The following NBPF6 variants were observed in gnomAD, a reference collection of about 807,000 sequenced individuals.
NBPF6 encodes the protein NBPF member 6.
In NBPF6, 2 loss-of-function variants were observed where a neutral mutation model predicts 20.8. The observed-to-expected ratio is 0.10, with a 90% confidence interval of 0.04 to 0.30. The LOEUF (loss-of-function observed/expected upper bound fraction) is 0.30. Ranked by LOEUF, NBPF6 falls within the 10% of genes least tolerant of loss-of-function variation. The probability of loss-of-function intolerance (pLI) is 1.00; values close to 1 mark genes in which losing one functional copy is unlikely to be tolerated. For synonymous variants in NBPF6, 24 were observed against 100.0 expected, an observed-to-expected ratio of 0.24 and a Z score of 4.53; for missense variants, 85 against 260.3, an observed-to-expected ratio of 0.33 and a Z score of 4.63.
chr1:108,448,318 A>G (rs1652690699), upstream of NBPF6, among the ~76,000 whole-genome samples: 1 of 147,618 alleles, frequency 6.8e-6, no homozygotes, highest in Non-Finnish European at 1.5e-5. Context: ...ATAAAAAGGC[A>G]AAAGTCTTAA....
At chr1:108,467,806 C>T (rs1467624570) in intron 14 of NBPF6, 141 bp downstream of exon 14, 5 of 1,016,284 alleles carry the variant, frequency 4.9e-6, no homozygotes, top group Non-Finnish European at 5.8e-6. Flanking sequence ...AGCTCTGTGT[C>T]CCATGGGCTC....
At chr1:108,459,334 TA>T (rs1255874208) in intron 9 of NBPF6, among the ~76,000 whole-genome samples, 6 of 117,182 alleles carry the variant, frequency 5.1e-5, no homozygotes, top group Non-Finnish European at 1.1e-4. Context: ...TGTGAACAAC[TA>T]ATCAGTCACA....
upstream of NBPF6, among the ~76,000 whole-genome samples, chr1:108,448,054 T>C (rs2101038041): frequency 6.9e-6 from 1 of 145,542 alleles, no homozygotes; most frequent in East Asian, 2.0e-4. Flanking sequence ...AAATATATAT[T>C]GTATCTATAC....
rs2995754 is a variant in NBPF6, at chr1:108,471,009, T to C, written c.*371T>C. ...CAATGCCATGTTCTTGCTGAAAACG[T>C]TTAGCCTGAGTTTCATAGGAGGTAA... On this transcript the variant is annotated 3_prime_UTR_variant, in exon 15 of 15. Coordinates refer to ENST00000495380, the MANE Select transcript of NBPF6 (RefSeq NM_001143988.2). The C allele has an allele frequency of 7.0e-4, 126 of 180,038 alleles. 1 individual carries two copies. In the East Asian group the frequency reaches 7.9e-3, roughly 11 times the overall value. The allele number at this position is 180,038 out of a possible 1,614,324, so 11.2% of individuals were successfully genotyped here.
chr1:108,447,432 TAAAC>T (rs1302256196), upstream of NBPF6, among the ~76,000 whole-genome samples: 2 of 145,378 alleles, frequency 1.4e-5, no homozygotes, highest in African/African-American at 2.5e-5. Flanking sequence ...CAGACATGGG[TAAAC>T]AAGGAACTCT....
At chr1:108,459,372 T>C (rs1169343264) in intron 9 of NBPF6, among the ~76,000 whole-genome samples, 1 of 140,886 alleles carries the variant, frequency 7.1e-6, no homozygotes, top group African/African-American at 2.6e-5. Context: ...AAGTATACTC[T>C]TCTTATGGTG....
At chr1:108,448,348 A>G (rs1190225759), upstream of NBPF6, among the ~76,000 whole-genome samples, 1 of 148,776 alleles carries the variant, frequency 6.7e-6, no homozygotes, top group Non-Finnish European at 1.5e-5. Flanking sequence ...TTGGTACTCA[A>G]TAGAATAGTG....
upstream of NBPF6, among the ~76,000 whole-genome samples, chr1:108,446,565 GC>G: frequency 3.3e-5 from 1 of 30,522 alleles, no homozygotes; most frequent in Admixed American, 4.4e-4. Flanking sequence ...ATAGTAAGTG[GC>G]CAGAACATAA....
At chr1:108,470,343 T>C (rs1422197827) in intron 14 of NBPF6, among the ~76,000 whole-genome samples, 5 of 135,596 alleles carry the variant, frequency 3.7e-5, no homozygotes, top group Admixed American at 7.4e-5. Context: ...GGGGATGATG[T>C]TGCCCACTGC....
At chr1:108,447,862 C>T (rs1242794324), upstream of NBPF6, among the ~76,000 whole-genome samples, 6 of 146,736 alleles carry the variant, frequency 4.1e-5, 1 homozygote, top group African/African-American at 7.7e-5. Flanking sequence ...GTTTGTGCTT[C>T]GACTTCAGAA....
At chr1:108,470,561 T>C in intron 14 of NBPF6, 36 bp from the exon 15 acceptor site, 5 of 1,528,664 alleles carry the variant, frequency 3.3e-6, no homozygotes, top group Non-Finnish European at 4.4e-6. Flanking sequence ...CTGACAAAAA[T>C]GCTCATTTGA....
Position 108,453,004 on chromosome 1 carries a change from GTGTGTATA to G in NBPF6, c.279-175_279-168del, listed in dbSNP as rs1558074021. On this transcript the variant is annotated intron_variant, in intron 3 of 14. Transcript: ENST00000495380. ...TTTGTGTGTGTGTGTGTGTGTGTGT[GTGTGTATA>G]TATATATATATTCTTCTTTCTCTTG... Among the ~76,000 whole-genome samples the G allele has an allele frequency of 4.8e-5, 3 of 62,730 alleles. 1 individual carries two copies. Among genetic ancestry groups the G allele is most frequent in the Non-Finnish European group, 7.6e-5 (2 of 26,292 alleles). The allele number at this position is 62,730 out of a possible 152,430, so 41.2% of individuals were successfully genotyped here.
In NBPF6 at chr1:108,471,911, A is replaced by C. The variant is rs991963548; in HGVS notation, c.*1273A>C. On this transcript the variant is annotated 3_prime_UTR_variant, in exon 15 of 15. Coordinates refer to ENST00000495380, the MANE Select transcript of NBPF6 (RefSeq NM_001143988.2). ...TAAAAACATTCTTATTTACCTGTTT[A>C]TATTCTAAAGTATTCCATATTTTAG... 1.3e-4 allele frequency among the ~76,000 whole-genome samples: 20 copies of C among 152,146 alleles called. No homozygotes were observed. The highest frequency in any genetic ancestry group is 1.3e-4 in the Admixed American group (2 of 15,266).
chr1:108,446,380 T>TA (rs1461793117), upstream of NBPF6, among the ~76,000 whole-genome samples: 8 of 19,474 alleles, frequency 4.1e-4, 1 homozygote, highest in South Asian at 6.2e-3. Flanking sequence ...ACAAAAAATT[T>TA]AAAAAAAAAA....
chr1:108,447,994 T>C (rs1652669867), upstream of NBPF6, among the ~76,000 whole-genome samples: 1 of 146,546 alleles, frequency 6.8e-6, no homozygotes, highest in Admixed American at 6.7e-5. Context: ...CCTAAACCAG[T>C]GCTTAGATTA....
upstream of NBPF6, among the ~76,000 whole-genome samples, chr1:108,449,340 C>A (rs1269957177): frequency 5.7e-4 from 8 of 14,042 alleles, 1 homozygote; most frequent in African/African-American, 7.9e-4. Flanking sequence ...GGATCACCAA[C>A]CACCCGTGAC....
At chr1:108,470,496 T>G in intron 14 of NBPF6, 101 bp from the exon 15 acceptor site, 2 of 1,013,346 alleles carry the variant, frequency 2.0e-6, no homozygotes, top group Non-Finnish European at 2.9e-6. Flanking sequence ...CAGCAGGAGA[T>G]CCCAGTGAGA....
chr1:108,438,438 T>TA, the NBPF6 span, among the ~76,000 whole-genome samples: 1 of 100,124 alleles, frequency 1.0e-5, no homozygotes, highest in African/African-American at 3.2e-5. Flanking sequence ...TACTAAAAAT[T>TA]AAAAAAAGAA....
intron 3 of NBPF6, among the ~76,000 whole-genome samples, chr1:108,452,980 T>TTGTG (rs759252996): frequency 0.056 from 2,671 of 47,302 alleles, 648 homozygotes; most frequent in Middle Eastern, 0.1. Flanking sequence ...GTATGTTTGT[T>TTGTG]TGTGTGTGTG....
Sources: allele counts gnomAD v4.1 joint callset (sites outside exome capture counted in the v4.1 genomes callset), GRCh38; gene constraint gnomAD v4.1.1; transcripts MANE v1.5; gene names NCBI Gene and HGNC (gene_info 2026-07-23, HGNC 2026-07-21).